Variants in LRRC7 observed in about 807,000 individuals in gnomAD.
LRRC7 encodes leucine-rich repeat-containing protein 7.
In LRRC7, 23 loss-of-function variants were observed where a neutral mutation model predicts 175.7. The observed-to-expected ratio is 0.13, with a 90% CI of 0.09 to 0.19. The LOEUF is 0.19. LRRC7 is among the 10% of genes least tolerant of loss of function. The probability of loss-of-function intolerance (pLI) is 1.00; values close to 1 mark genes in which losing one functional copy is unlikely to be tolerated. For missense variants in LRRC7, 1,354 were observed against 1,904.7 expected (o/e 0.71, Z 5.38); for synonymous variants, 685 against 680.9 (o/e 1.01, Z -0.09).
At chr1:69,913,980 T>C (rs1372299825) in intron 7 of LRRC7, among the ~76,000 whole-genome samples, 3 of 152,132 alleles carry the variant, frequency 2.0e-5, no homozygotes, top group Non-Finnish European at 4.4e-5. Context: ...CAGGTCTAAA[T>C]CATAAAATCC....
intron 7 of LRRC7, among the ~76,000 whole-genome samples, chr1:69,879,271 G>A (rs1325691058): frequency 7.1e-6 from 1 of 140,768 alleles, no homozygotes; most frequent in African/African-American, 2.7e-5. Context: ...CTGCCACTTA[G>A]TTGTTACGAG....
intron 4 of LRRC7, among the ~76,000 whole-genome samples, chr1:69,812,329 C>T (rs1677993505): frequency 6.6e-6 from 1 of 152,152 alleles, no homozygotes; most frequent in South Asian, 2.1e-4. Context: ...TAAGCTAGGC[C>T]TAGTTTCAAA....
chr1:69,725,956 A>G (rs1666933465), intron 2 of LRRC7, among the ~76,000 whole-genome samples: 1 of 152,212 alleles, frequency 6.6e-6, no homozygotes, highest in South Asian at 2.1e-4. Context: ...CCCTACCTGT[A>G]GCCTAGACAG....
intron 2 of LRRC7, among the ~76,000 whole-genome samples, chr1:69,742,437 A>G (rs2100861295): frequency 6.6e-6 from 1 of 151,112 alleles, no homozygotes; most frequent in African/African-American, 2.4e-5. Flanking sequence ...TGAGTAAAAT[A>G]ATTTTATATA....
intron 10 of LRRC7, among the ~76,000 whole-genome samples, chr1:69,988,503 T>A (rs12024182): frequency 6.6e-6 from 1 of 152,150 alleles, no homozygotes; most frequent in Non-Finnish European, 1.5e-5. Context: ...CAGCAATATC[T>A]CCAGGCCTGA....
At chr1:69,908,948 G>A (rs1171128591) in intron 7 of LRRC7, among the ~76,000 whole-genome samples, 1 of 151,934 alleles carries the variant, frequency 6.6e-6, no homozygotes, top group Non-Finnish European at 1.5e-5. Context: ...ATGAGTCTGG[G>A]TGCTCCTGTA....
intron 2 of LRRC7, among the ~76,000 whole-genome samples, chr1:69,758,338 A>G (rs560602883): frequency 2.6e-5 from 4 of 152,202 alleles, no homozygotes; most frequent in Admixed American, 2.6e-4. Context: ...AGCCTTCTAC[A>G]GATTACCATG....
chr1:69,937,926 G>C (rs1035498845), intron 8 of LRRC7, among the ~76,000 whole-genome samples: 7 of 151,804 alleles, frequency 4.6e-5, no homozygotes, highest in African/African-American at 1.7e-4. Flanking sequence ...GAGACTTGAT[G>C]ATGAGGTCAT....
At chr1:70,097,839 A>C (rs936228406) in intron 25 of LRRC7, among the ~76,000 whole-genome samples, 1 of 148,698 alleles carries the variant, frequency 6.7e-6, no homozygotes, top group Admixed American at 6.7e-5. Context: ...TATGTGCCAC[A>C]TTTTCTTAAT....
rs376871154 is a variant in LRRC7 at position 69,813,896 on chromosome 1, G to C, written c.422-11852G>C. 1.3e-4 allele frequency among the ~76,000 whole-genome samples: 20 copies of C among 152,106 alleles called. No homozygotes were observed. In the South Asian group the frequency reaches 4.2e-3, roughly 32 times the overall value. ...GTTTAATCACAAGTCAGAATGTTTGGAATAAGATATATTGCTCAAGTAAGG... is the reference window on the plus strand; with the variant it reads ...GTTTAATCACAAGTCAGAATGTTTGCAATAAGATATATTGCTCAAGTAAGG... On this transcript the variant is annotated intron_variant, in intron 4 of 26. Transcript: ENST00000651989.
chr1:70,121,403 T>C (rs760219976), intron 26 of LRRC7, among the ~76,000 whole-genome samples: 11 of 152,072 alleles, frequency 7.2e-5, no homozygotes, highest in Non-Finnish European at 1.3e-4. Context: ...TTTATATTAG[T>C]GTTTATATAA....
chr1:69,747,454 G>T (rs2100881301), intron 2 of LRRC7, among the ~76,000 whole-genome samples: 1 of 152,228 alleles, frequency 6.6e-6, no homozygotes, highest in South Asian at 2.1e-4. Flanking sequence ...GAAGATAGCA[G>T]AGAGCCAGTG....
intron 7 of LRRC7, among the ~76,000 whole-genome samples, chr1:69,868,698 C>A (rs1685186878): frequency 6.6e-6 from 1 of 152,048 alleles, no homozygotes; most frequent in Admixed American, 6.6e-5. Context: ...TTTGCTAGGA[C>A]TGCCATAACA....
In LRRC7 at chr1:70,137,690, A is replaced by G. The variant is rs908139142; in HGVS notation, c.*15803A>G. 3.3e-5 allele frequency among the ~76,000 whole-genome samples: 5 copies of G among 152,256 alleles called. No homozygotes were observed. The highest frequency in any genetic ancestry group is 9.6e-5 in the African/African-American group (4 of 41,474). ...AATGCCTGGAACTATGCAGACATAGATCAAGTCTCATGCATGTCATTTAGA... is the reference window on the plus strand; with the variant it reads ...AATGCCTGGAACTATGCAGACATAGGTCAAGTCTCATGCATGTCATTTAGA... On this transcript the variant is annotated 3_prime_UTR_variant, in exon 27 of 27. Coordinates refer to ENST00000651989, the MANE Select transcript of LRRC7 (RefSeq NM_001370785.2).
At chr1:69,909,079 A>G (rs1177482430) in intron 7 of LRRC7, among the ~76,000 whole-genome samples, 16 of 151,668 alleles carry the variant, frequency 1.1e-4, no homozygotes, top group African/African-American at 3.9e-4. Flanking sequence ...TTTATCAGAG[A>G]CTAGGATTGC....
At chr1:70,020,715 ATAT>A (rs896178193) in intron 15 of LRRC7, 10 of 182,666 alleles carry the variant, frequency 5.5e-5, no homozygotes, top group Admixed American at 2.3e-4. Flanking sequence ...CTAACTCTCT[ATAT>A]TATTATTATT....
intron 1 of LRRC7, among the ~76,000 whole-genome samples, chr1:69,674,799 T>G (rs952833010): frequency 9.2e-5 from 14 of 152,196 alleles, no homozygotes; most frequent in Non-Finnish European, 2.1e-4. Context: ...TTTTTTTTCC[T>G]CAACAGTACT....
At chr1:69,832,962 G>A (rs778983143) in intron 5 of LRRC7, among the ~76,000 whole-genome samples, 2 of 152,014 alleles carry the variant, frequency 1.3e-5, no homozygotes, top group Admixed American at 6.6e-5. Context: ...AAAATTAGCA[G>A]GGCGTGGTGG....
chr1:69,599,263 C>CA (rs1216528421), intron 1 of LRRC7, among the ~76,000 whole-genome samples: 1 of 152,078 alleles, frequency 6.6e-6, no homozygotes, highest in African/African-American at 2.4e-5. Context: ...TTCCATGTGC[C>CA]AAAAATAATT....
Sources: gnomAD v4.1 joint callset for allele counts (sites outside exome capture counted in the v4.1 genomes callset) on GRCh38, gnomAD v4.1.1 for gene constraint, MANE v1.5 for transcripts, NCBI Gene and HGNC (gene_info 2026-07-23, HGNC 2026-07-21) for gene names.